The following EBPL variants were observed in gnomAD, a reference collection of about 807,000 sequenced individuals.
EBPL encodes EBP like.
A neutral mutation model predicts 19.0 loss-of-function variants in EBPL; 20 were observed. That is an observed-to-expected ratio of 1.05 (90% CI 0.74 to 1.53). EBPL has a LOEUF of 1.53. EBPL is among the 40% of genes most tolerant of loss of function. The pLI, the probability that EBPL is intolerant of heterozygous loss-of-function variation, is 0.00. For synonymous variants in EBPL, 107 were observed against 117.0 expected (o/e 0.91, Z 0.55); for missense variants, 219 against 261.1 (o/e 0.84, Z 1.11).
chr13:49,660,862 A>T lies in EBPL; in HGVS notation c.*106T>A. On this transcript the variant is annotated 3_prime_UTR_variant, in exon 4 of 4. Transcript: ENST00000242827. ...AAACAGGTTGTTCAGGAGCAACAAT[A>T]CAAAAACAAAGTGTAGACTGGAATG... is the stretch of plus-strand genomic sequence containing the variant. The T allele has an allele frequency of 9.6e-7, 1 of 1,039,716 alleles. No homozygotes were observed. Among genetic ancestry groups the T allele is most frequent in the Non-Finnish European group, 1.4e-6 (1 of 708,418 alleles). 64.4% of individuals were successfully genotyped at this position (1,039,716 alleles called of 1,614,324 possible).
chr13:49,662,024 C>T (rs188734195), intron 3 of EBPL: 352 of 1,135,830 alleles, frequency 3.1e-4, no homozygotes, highest in Non-Finnish European at 4.1e-4. Context: ...GACAGAGTCT[C>T]GCTCTGTCAC....
intron 1 of EBPL, among the ~76,000 whole-genome samples, chr13:49,672,137 A>C (rs1182260168): frequency 6.6e-6 from 1 of 152,186 alleles, no homozygotes; most frequent in Non-Finnish European, 1.5e-5. Flanking sequence ...TGGGATCTGG[A>C]ATACTGTCAT....
chr13:49,688,549 C>A (rs1201064607), intron 1 of EBPL, among the ~76,000 whole-genome samples: 3 of 151,924 alleles, frequency 2.0e-5, no homozygotes, highest in African/African-American at 7.3e-5. Context: ...GAAACCCCGT[C>A]TCTACAAAAA....
chr13:49,680,978 T>C (rs1043008337), intron 1 of EBPL, among the ~76,000 whole-genome samples: 25 of 152,188 alleles, frequency 1.6e-4, no homozygotes, highest in African/African-American at 5.8e-4. Context: ...TTAAGTTCCA[T>C]GGTAGCCTTC....
At chr13:49,681,712 G>T (rs573198759) in intron 1 of EBPL, among the ~76,000 whole-genome samples, 72 of 152,298 alleles carry the variant, frequency 4.7e-4, no homozygotes, top group Middle Eastern at 6.8e-3. Context: ...CCAATTTAAA[G>T]AGCATGCTCA....
chr13:49,679,575 C>G (rs569124897), intron 1 of EBPL, among the ~76,000 whole-genome samples: 1 of 152,350 alleles, frequency 6.6e-6, no homozygotes, highest in South Asian at 2.1e-4. Flanking sequence ...TCACGGCTCA[C>G]TGCAGCCTCT....
rs147487296 is a variant in EBPL, at chr13:49,685,830, G to T, written c.171+5424C>A. 3.3e-3 allele frequency among the ~76,000 whole-genome samples: 499 copies of T among 151,676 alleles called. 1 individual carries two copies. Among genetic ancestry groups the T allele is most frequent in the African/African-American group, 0.011 (474 of 41,324 alleles). ...AGAGGTTGCAGTGAGCCAAGATCACGCTACTGCACTCCAGCCTGGGCGAGA... is the reference window on the plus strand; with the variant it reads ...AGAGGTTGCAGTGAGCCAAGATCACTCTACTGCACTCCAGCCTGGGCGAGA... On this transcript the variant is annotated intron_variant, in intron 1 of 3. Coordinates refer to ENST00000242827, the MANE Select transcript of EBPL (RefSeq NM_032565.5).
chr13:49,660,858 C>T lies in EBPL; in HGVS notation c.*110G>A. The stretch of plus-strand genomic sequence containing the variant: ...TTTGAAACAGGTTGTTCAGGAGCAA[C>T]AATACAAAAACAAAGTGTAGACTGG... On this transcript the variant is annotated 3_prime_UTR_variant, in exon 4 of 4. Coordinates refer to ENST00000242827, the MANE Select transcript of EBPL (RefSeq NM_032565.5). 1 of 988,538 alleles carries T rather than the reference C, an allele frequency of 1.0e-6. No individual in the cohort carries two copies. The highest frequency in any genetic ancestry group is 1.5e-6 in the Non-Finnish European group (1 of 664,910). 61.2% of individuals were successfully genotyped at this position (988,538 alleles called of 1,614,324 possible). A position where few individuals can be genotyped will look rare whatever the true frequency, so the allele number is the denominator to read the frequency against.
chr13:49,690,511 G>A, intron 1 of EBPL, among the ~76,000 whole-genome samples: 1 of 151,112 alleles, frequency 6.6e-6, no homozygotes, highest in Admixed American at 6.6e-5. Flanking sequence ...GTGGTGGGGG[G>A]CGGGGCATTT....
intron 2 of EBPL, among the ~76,000 whole-genome samples, chr13:49,666,808 T>G (rs1274857597): frequency 6.6e-6 from 1 of 150,582 alleles, no homozygotes; most frequent in Non-Finnish European, 1.5e-5. Flanking sequence ...GAGCATCACT[T>G]GAACTGGGAG....
chr13:49,683,549 A>AAAAAAC (rs759935072), intron 1 of EBPL, among the ~76,000 whole-genome samples: 1 of 69,790 alleles, frequency 1.4e-5, no homozygotes, highest in Admixed American at 1.5e-4. Flanking sequence ...AAACAAACAA[A>AAAAAAC]AAAAACAAAA....
At chr13:49,683,542 CAAACAAAAAAA>C (rs772120696) in intron 1 of EBPL, among the ~76,000 whole-genome samples, 1 of 111,196 alleles carries the variant, frequency 9.0e-6, no homozygotes, top group Non-Finnish European at 2.4e-5. Context: ...AACAAACAAA[CAAACAAAAAAA>C]ACAAAAACAA....
Position 49,661,041 on chromosome 13 carries a change from A to G in EBPL, c.548T>C (p.Leu183Pro). 4 of 1,614,142 alleles carry G rather than the reference A, an allele frequency of 2.5e-6. No homozygotes were observed. The highest frequency in any genetic ancestry group is 2.5e-6 in the Non-Finnish European group (3 of 1,180,018). The change falls in exon 4 of 4, where the codon CTA becomes CCA. Residue 183 changes from leucine to proline, a missense_variant. Physicochemically the swap from Leu to Pro is moderately conservative, Grantham distance 98 (BLOSUM62 -3). This residue lies in a region of EBPL where 49 missense variants were observed against 94.1 expected (regional missense o/e 0.52). Coordinates refer to ENST00000242827, the MANE Select transcript of EBPL (RefSeq NM_032565.5). ...NGVWVLIPGLLLWQSWLELKK... is the reference protein window; with the variant it reads ...NGVWVLIPGLPLWQSWLELKK... The stretch of plus-strand genomic sequence containing the variant: ...GAGTTCTAGCCATGACTGCCACAGT[A>G]GCAGTCCTGGGATCAGAACCCACAC...
chr13:49,683,891 A>G (rs1953970168), intron 1 of EBPL, among the ~76,000 whole-genome samples: 1 of 152,260 alleles, frequency 6.6e-6, no homozygotes, highest in East Asian at 1.9e-4. Flanking sequence ...GATATCTATT[A>G]GCAGCATTAT....
At position 49,681,329 on chromosome 13, in the gene EBPL, C is replaced by T. The variant is rs182247876; in HGVS notation, c.171+9925G>A. ...TTTTTTTAAGATGGTCTCGCTCTGT[C>T]GCTCAGGCTGGAATGCAGTGGTGCG... On this transcript the variant is annotated intron_variant, in intron 1 of 3. Coordinates refer to ENST00000242827, the MANE Select transcript of EBPL (RefSeq NM_032565.5). 3.6e-3 allele frequency among the ~76,000 whole-genome samples: 553 copies of T among 152,278 alleles called. 2 individuals carry two copies. Among genetic ancestry groups the T allele is most frequent in the African/African-American group, 0.013 (520 of 41,544 alleles).
chr13:49,663,596 A>C (rs541192795), intron 2 of EBPL, among the ~76,000 whole-genome samples: 1 of 152,350 alleles, frequency 6.6e-6, no homozygotes, highest in South Asian at 2.1e-4. Context: ...AAATTCTGTA[A>C]GTATAATGGA....
At chr13:49,672,556 A>T (rs1953829137) in intron 1 of EBPL, among the ~76,000 whole-genome samples, 1 of 152,214 alleles carries the variant, frequency 6.6e-6, no homozygotes, top group African/African-American at 2.4e-5. Flanking sequence ...AGTAAGAAAT[A>T]AAAGGGATAA....
At chr13:49,675,035 T>C (rs1953861337) in intron 1 of EBPL, among the ~76,000 whole-genome samples, 1 of 152,216 alleles carries the variant, frequency 6.6e-6, no homozygotes, top group Non-Finnish European at 1.5e-5. Context: ...GAATGTATTT[T>C]AGGTACCTCG....
intron 1 of EBPL, among the ~76,000 whole-genome samples, chr13:49,670,932 T>C (rs1953809238): frequency 6.6e-6 from 1 of 152,180 alleles, no homozygotes; most frequent in African/African-American, 2.4e-5. Context: ...ACTGATTACA[T>C]GTCCTTTCTT....
Sources: gnomAD v4.1 joint callset for allele counts (sites outside exome capture counted in the v4.1 genomes callset) on GRCh38, gnomAD v4.1.1 for gene constraint, gnomAD v4.1.1 regional missense constraint, MANE v1.5 for transcripts, NCBI Gene and HGNC (gene_info 2026-07-23, HGNC 2026-07-21) for gene names.